LPIN1: variants seen among roughly 807,000 people sequenced by gnomAD.
LPIN1 encodes phosphatidate phosphatase LPIN1.
Under a neutral mutation model 107.5 loss-of-function variants are expected in LPIN1, and 71 were observed. That is an observed-to-expected ratio of 0.66 (90% CI 0.55 to 0.80). The LOEUF (loss-of-function observed/expected upper bound fraction) is 0.80. Among genes scored for constraint, LPIN1 ranks in the 30% least tolerant of loss-of-function variants. The pLI, the probability that LPIN1 is intolerant of heterozygous loss-of-function variation, is 0.00. For synonymous variants in LPIN1, 445 were observed against 452.6 expected (o/e 0.98, Z 0.21); for missense variants, 1,043 against 1,160.6 (o/e 0.90, Z 1.47).
In LPIN1 at chr2:11,803,185, C is replaced by T; in HGVS notation, c.2013+152C>T. The T allele has an allele frequency of 9.5e-7, 1 of 1,047,788 alleles. No individual in the cohort carries two copies. Among genetic ancestry groups the T allele is most frequent in the Non-Finnish European group, 1.5e-6 (1 of 688,848 alleles). The allele number at this position is 1,047,788 out of a possible 1,614,324, so 64.9% of individuals were successfully genotyped here. A position where few individuals can be genotyped will look rare whatever the true frequency, so the allele number is the denominator to read the frequency against. ...CTCAACTGGGTACCCGCTGTTTCCA[C>T]CCCAACTCCAGCACTATCCAGGCTG... On this transcript the variant is annotated intron_variant, in intron 15 of 20. Transcript: ENST00000674199. The surrounding 1 kb of genome is among the most constrained non-coding windows in gnomAD (Gnocchi z 4.2).
chr2:11,746,570 T>C (rs1355687145), upstream of LPIN1: 6 of 717,780 alleles, frequency 8.4e-6, no homozygotes, highest in Non-Finnish European at 8.5e-6. Flanking sequence ...GCCCCTGCCC[T>C]CTGCCCCCGC....
At chr2:11,737,201 A>AC (rs540734048) in intron 1 of LPIN1, among the ~76,000 whole-genome samples, 64 of 152,294 alleles carry the variant, frequency 4.2e-4, no homozygotes, top group African/African-American at 1.5e-3. Flanking sequence ...CTGAAACTGG[A>AC]CCCCTTCCTT....
In LPIN1 at chr2:11,765,681, C is replaced by T. The variant is rs764196018; in HGVS notation, c.140C>T (p.Pro47Leu). 4 of 1,613,726 alleles carry T rather than the reference C, an allele frequency of 2.5e-6. No homozygotes were observed. The Admixed American group carries it at 6.7e-5, about 27-fold the overall frequency. ...CCCAATGGAAACCTCCAATGCTCCC[C>T]TTTCCACGTCCGCTTTGGGAAGATG... is the stretch of plus-strand genomic sequence containing the variant. ...RQPNGNLQCS[P>L]FHVRFGKMGV... Residue 47 changes from proline to leucine, a missense_variant, in exon 2 of 21, where the codon CCT becomes CTT. By Grantham distance (98) the Pro-to-Leu change is moderately conservative. Coordinates refer to ENST00000674199, the MANE Select transcript of LPIN1 (RefSeq NM_001349206.2). This position sits in a 1 kb window ranked among gnomAD's most constrained non-coding sequence, Gnocchi z 4.4.
chr2:11,784,349 C>T, intron 9 of LPIN1: 1 of 734,026 alleles, frequency 1.4e-6, no homozygotes, highest in South Asian at 2.9e-5. Context: ...CAGTGGGAGG[C>T]TCCCATTGCC....
chr2:11,795,453 G>T lies in LPIN1; in HGVS notation c.1852G>T (p.Gly618Ter). 1 of 1,614,116 alleles carries T rather than the reference G, an allele frequency of 6.2e-7. No homozygotes were observed. The change falls in exon 14 of 21, where the codon GGA becomes TGA. Residue 618 changes from glycine (G) to a stop codon, truncating the protein, a stop_gained. Transcript: ENST00000674199. LOFTEE classifies it high-confidence loss of function. ...QCLAGKAHST[G>*]EQPPQLSLAT... ...CTTGGCTGGCAAGGCCCATAGCACC[G>T]GAGAGCAACCGCCGCAGCTCAGCTT...
At position 11,791,939 on chromosome 2, in the gene LPIN1, A is replaced by G. The variant is rs774345924; in HGVS notation, c.1739A>G (p.Asp580Gly). The G allele has an allele frequency of 1.2e-6, 2 of 1,613,982 alleles. No homozygotes were observed. Among genetic ancestry groups the G allele is most frequent in the Non-Finnish European group, 1.7e-6 (2 of 1,179,928 alleles). Residue 580 changes from aspartate (D) to glycine (G), a missense_variant, in exon 13 of 21, where the codon GAT becomes GGT. By Grantham distance (94) the Asp-to-Gly change is moderately conservative. Transcript: ENST00000674199. ...PKATVESIMR[D>G]KMPKKGGRWW... is the part of the protein sequence containing the mutation. ...GCCACTGTGGAATCTATCATGAGGGATAAAATGCCCAAAAAGGGAGGAAGA... is the reference window on the plus strand; with the variant it reads ...GCCACTGTGGAATCTATCATGAGGGGTAAAATGCCCAAAAAGGGAGGAAGA...
In LPIN1 at chr2:11,692,212, C is replaced by G. The variant is rs115107005; in HGVS notation, c.81+14484C>G. ...AGCAAAAAGGCATCTGTCCTTACTGCCCCAGGGATTTTGAATATTTTTGCT... is the reference window on the plus strand; with the variant it reads ...AGCAAAAAGGCATCTGTCCTTACTGGCCCAGGGATTTTGAATATTTTTGCT... On this transcript the variant is annotated intron_variant, in intron 1 of 21. Transcript: ENST00000449576. Among the ~76,000 whole-genome samples, 989 of 152,180 alleles carry G rather than the reference C, an allele frequency of 6.5e-3. 12 individuals are homozygous for G. Among genetic ancestry groups the G allele is most frequent in the African/African-American group, 0.023 (935 of 41,442 alleles).
chr2:11,687,960 C>T (rs1368484220), intron 1 of LPIN1, among the ~76,000 whole-genome samples: 1 of 152,248 alleles, frequency 6.6e-6, no homozygotes, highest in East Asian at 1.9e-4. Context: ...CCTCCGGGCT[C>T]TGGGACTGAA....
In LPIN1 at chr2:11,778,229, C is replaced by T. The variant is rs577217543; in HGVS notation, c.831-1290C>T. ...CAGGGTGTCCCATTGCAGAAGCTCTCCTAATGTGATGTCAGGAGCCTCCTC... is the reference window on the plus strand; with the variant it reads ...CAGGGTGTCCCATTGCAGAAGCTCTTCTAATGTGATGTCAGGAGCCTCCTC... On this transcript the variant is annotated intron_variant, in intron 6 of 20. Coordinates refer to ENST00000674199, the MANE Select transcript of LPIN1 (RefSeq NM_001349206.2). Among the ~76,000 whole-genome samples, 7 of 152,304 alleles carry T rather than the reference C, an allele frequency of 4.6e-5. 1 individual carries two copies. The South Asian group carries it at 1.5e-3, about 32-fold the overall frequency.
At chr2:11,768,056 A>T (rs1039308173) in intron 3 of LPIN1, among the ~76,000 whole-genome samples, 198 bp downstream of exon 3, 2 of 152,190 alleles carry the variant, frequency 1.3e-5, no homozygotes, top group Non-Finnish European at 2.9e-5. Flanking sequence ...ACACAGACTC[A>T]GCTCTCCTGG....
chr2:11,755,067 G>A (rs1399275714), intron 1 of LPIN1, among the ~76,000 whole-genome samples: 1 of 151,020 alleles, frequency 6.6e-6, no homozygotes, highest in East Asian at 1.9e-4. Flanking sequence ...CCGGGTTCAC[G>A]CCATTCTCCT....
In LPIN1 at chr2:11,780,171, G is replaced by A. The variant is rs75494561; in HGVS notation, c.957+526G>A. ...GCTGGGATTATAAGCGTGAGCTGCC[G>A]TGCCCAGCCAGGATCTACATTTTCT... On this transcript the variant is annotated intron_variant, in intron 7 of 20. Coordinates refer to ENST00000674199, the MANE Select transcript of LPIN1 (RefSeq NM_001349206.2). Among the ~76,000 whole-genome samples the A allele has an allele frequency of 3.5e-3, 533 of 152,330 alleles. 2 individuals carry two copies. The highest frequency in any genetic ancestry group is 0.012 in the African/African-American group (482 of 41,566).
At position 11,697,265 on chromosome 2, in the gene LPIN1, C is replaced by T; in HGVS notation, c.82-16491C>T. ...ATCAGCCCCCAGCTGCTTCTGGATA[C>T]AACCGCACTACCCAGATGCTTCCTG... On this transcript the variant is annotated intron_variant, in intron 1 of 21. Transcript: ENST00000449576. The surrounding 1 kb of genome is among the most constrained non-coding windows in gnomAD (Gnocchi z 4.6). Among the ~76,000 whole-genome samples, 1 of 152,266 alleles carries T rather than the reference C, an allele frequency of 6.6e-6. No homozygotes were observed. The highest frequency in any genetic ancestry group is 1.9e-4 in the East Asian group (1 of 5,196).
At chr2:11,726,158 A>T (rs1380370296) in intron 1 of LPIN1, among the ~76,000 whole-genome samples, 1 of 152,184 alleles carries the variant, frequency 6.6e-6, no homozygotes, top group Admixed American at 6.5e-5. Context: ...TTTCTACCTC[A>T]GCTGCTGCCC....
At position 11,776,128 on chromosome 2, in the gene LPIN1, T is replaced by C; in HGVS notation, c.765T>C (p.Val255=). ...AAAGGACTGCCCCTCATCTTGCAGTTGCGGCCGAGGGAGGTCTGTCTAGTT... is the reference window on the plus strand; with the variant it reads ...AAAGGACTGCCCCTCATCTTGCAGTCGCGGCCGAGGGAGGTCTGTCTAGTT... The part of the protein sequence containing the change: ...DCKRTAPHLA[V]AAEGGLSSSC... Residue 255 remains valine (V), a synonymous_variant, in exon 6 of 21, where the codon GTT becomes GTC. Transcript: ENST00000674199. 1 of 1,548,846 alleles carries C rather than the reference T, an allele frequency of 6.5e-7. No homozygotes were observed.
intron 14 of LPIN1, 80 bp downstream of exon 14, chr2:11,795,567 AG>A: frequency 8.0e-7 from 1 of 1,246,264 alleles, no homozygotes; most frequent in East Asian, 2.3e-5. Flanking sequence ...GGATGCAGAT[AG>A]GGTTCACCAC....
chr2:11,750,894 T>C (rs370501270), intron 1 of LPIN1, among the ~76,000 whole-genome samples: 10 of 152,238 alleles, frequency 6.6e-5, no homozygotes, highest in African/African-American at 2.4e-4. Context: ...AATAAAGTTA[T>C]AAGGGCAGAG....
At chr2:11,701,912 T>C (rs1662893385) in intron 1 of LPIN1, among the ~76,000 whole-genome samples, 1 of 152,244 alleles carries the variant, frequency 6.6e-6, no homozygotes. Flanking sequence ...AAACTCTTCC[T>C]GAACTATTCT....
Position 11,787,056 on chromosome 2 carries a change from C to A in LPIN1, c.1550-18C>A. The A allele has an allele frequency of 6.4e-7, 1 of 1,566,028 alleles. No individual in the cohort carries two copies. Among genetic ancestry groups the A allele is most frequent in the Non-Finnish European group, 8.8e-7 (1 of 1,135,858 alleles). ...TTTCTTTTTGTTTTTCCCTGATCCT[C>A]TGCAATTGCTGTCACAGATGCATTC... On this transcript the variant is annotated intron_variant, in intron 10 of 20. Transcript: ENST00000674199.
Sources: gnomAD v4.1 joint callset for allele counts (sites outside exome capture counted in the v4.1 genomes callset) on GRCh38, gnomAD v4.1.1 for gene constraint, Gnocchi (gnomAD v3.1) non-coding constraint, MANE v1.5 for transcripts, NCBI Gene and HGNC (gene_info 2026-07-23, HGNC 2026-07-21) for gene names.